Variants in HECTD2 observed in about 807,000 individuals in gnomAD.
The protein encoded by HECTD2 is probable E3 ubiquitin-protein ligase HECTD2.
HECTD2 carries 35 observed loss-of-function variants against 103.2 expected under a neutral mutation model. The ratio of observed to expected loss-of-function variants is 0.34; its 90% CI spans 0.26 to 0.45. The LOEUF (loss-of-function observed/expected upper bound fraction) is 0.45, where lower values mean the gene tolerates loss of function less well. Among genes scored for constraint, HECTD2 ranks in the 20% least tolerant of loss-of-function variants. HECTD2 has a pLI of 1.00. For synonymous variants in HECTD2, 281 were observed against 329.9 expected (o/e 0.85, Z 1.61); for missense variants, 596 against 937.4 (o/e 0.64, Z 4.76).
chr10:91,471,476 T>A (rs1845725104), intron 5 of HECTD2, among the ~76,000 whole-genome samples: 1 of 152,108 alleles, frequency 6.6e-6, no homozygotes, highest in African/African-American at 2.4e-5. Context: ...CCAGAGCAGT[T>A]GGGCAAGAGA....
intron 1 of HECTD2, among the ~76,000 whole-genome samples, chr10:91,414,373 T>C (rs960938676): frequency 2.6e-5 from 4 of 152,172 alleles, no homozygotes; most frequent in African/African-American, 9.6e-5. Flanking sequence ...GAATGAGAAG[T>C]TGGCTTATCA....
chr10:91,490,238 C>T (rs1057091860), intron 11 of HECTD2, among the ~76,000 whole-genome samples: 2 of 151,978 alleles, frequency 1.3e-5, no homozygotes, highest in Admixed American at 1.3e-4. Context: ...CTTCAGTGTA[C>T]CTTCCTTGTA....
intron 1 of HECTD2, among the ~76,000 whole-genome samples, chr10:91,414,659 A>C (rs1222688893): frequency 6.6e-6 from 1 of 152,234 alleles, no homozygotes; most frequent in East Asian, 1.9e-4. Context: ...CTTGAAGTAA[A>C]GGTAATTATT....
At chr10:91,462,304 A>G in intron 5 of HECTD2, 120 bp downstream of exon 5, 2 of 1,193,906 alleles carry the variant, frequency 1.7e-6, no homozygotes, top group East Asian at 5.7e-5. Flanking sequence ...ACAATTTTAT[A>G]GTAAATGTAG....
chr10:91,444,002 G>C (rs1176580949), intron 2 of HECTD2, among the ~76,000 whole-genome samples: 1 of 152,056 alleles, frequency 6.6e-6, no homozygotes, highest in African/African-American at 2.4e-5. Flanking sequence ...TTATGAAAGG[G>C]AAAGAAAAGG....
chr10:91,505,279 C>A (rs1847106456), intron 20 of HECTD2, among the ~76,000 whole-genome samples: 1 of 151,856 alleles, frequency 6.6e-6, no homozygotes, highest in South Asian at 2.1e-4. Context: ...ACACTATTAA[C>A]TTTAAATGTA....
intron 1 of HECTD2, among the ~76,000 whole-genome samples, chr10:91,411,757 G>T (rs1011562633): frequency 6.6e-6 from 1 of 152,218 alleles, no homozygotes; most frequent in African/African-American, 2.4e-5. Flanking sequence ...TGGTAGATTG[G>T]AGCTGGGGTT....
chr10:91,413,564 T>A (rs1843005889), intron 1 of HECTD2, among the ~76,000 whole-genome samples: 1 of 152,234 alleles, frequency 6.6e-6, no homozygotes, highest in African/African-American at 2.4e-5. Context: ...TCAGGCATCT[T>A]TTTTAAATTT....
intron 1 of HECTD2, among the ~76,000 whole-genome samples, chr10:91,416,571 G>T (rs1386538773): frequency 1.5e-5 from 2 of 137,908 alleles, no homozygotes; most frequent in East Asian, 1.9e-4. Context: ...ATCTAGATTT[G>T]TATAAGTACA....
intron 2 of HECTD2, among the ~76,000 whole-genome samples, chr10:91,429,789 C>G (rs1354672241): frequency 1.3e-5 from 2 of 152,044 alleles, no homozygotes; most frequent in Non-Finnish European, 2.9e-5. Context: ...ATTAGTCTTG[C>G]TAGCGGTCTA....
intron 20 of HECTD2, among the ~76,000 whole-genome samples, chr10:91,501,973 C>T (rs1340032817): frequency 1.3e-5 from 2 of 152,076 alleles, no homozygotes; most frequent in Admixed American, 1.3e-4. Context: ...ATACATTGAA[C>T]ATTCCCTAAG....
chr10:91,429,361 C>T lies in HECTD2; in HGVS notation c.268+3951C>T, dbSNP rs1222412963. 4.6e-5 allele frequency among the ~76,000 whole-genome samples: 7 copies of T among 151,968 alleles called. No individual in the cohort carries two copies. In the South Asian group the frequency reaches 6.2e-4, roughly 14 times the overall value. ...TCTCCTTTTTGGTTGTGTCTCTGCC[C>T]GGCTTTGGTATCAGGATGATGCTGG... On this transcript the variant is annotated intron_variant, in intron 2 of 20. Coordinates refer to ENST00000298068, the MANE Select transcript of HECTD2 (RefSeq NM_182765.6).
intron 8 of HECTD2, among the ~76,000 whole-genome samples, chr10:91,483,437 A>T (rs1846164804): frequency 6.6e-6 from 1 of 151,866 alleles, no homozygotes; most frequent in South Asian, 2.1e-4. Flanking sequence ...TCTATCTGTA[A>T]ATTCATAAAT....
chr10:91,437,102 A>G (rs968341195), intron 2 of HECTD2, among the ~76,000 whole-genome samples: 1 of 152,088 alleles, frequency 6.6e-6, no homozygotes, highest in African/African-American at 2.4e-5. Context: ...TATTGAATAT[A>G]TAATAATAAA....
chr10:91,477,990 T>C (rs529365103), intron 5 of HECTD2, among the ~76,000 whole-genome samples: 1 of 152,336 alleles, frequency 6.6e-6, no homozygotes, highest in African/African-American at 2.4e-5. Flanking sequence ...GCATGTTGTA[T>C]GCTACACATA....
At chr10:91,504,588 AAAG>A (rs1263644395) in intron 20 of HECTD2, among the ~76,000 whole-genome samples, 1 of 152,088 alleles carries the variant, frequency 6.6e-6, no homozygotes, top group Non-Finnish European at 1.5e-5. Context: ...AAAAGAATAA[AAAG>A]AAACGAGCAA....
At chr10:91,459,918 G>T (rs1845271388) in intron 2 of HECTD2, among the ~76,000 whole-genome samples, 1 of 152,096 alleles carries the variant, frequency 6.6e-6, no homozygotes, top group African/African-American at 2.4e-5. Flanking sequence ...TAGCCTAGGT[G>T]TGTAGTGTGT....
upstream of HECTD2, chr10:91,409,533 G>T (rs1842830062): frequency 6.5e-6 from 1 of 152,986 alleles, no homozygotes; most frequent in East Asian, 1.9e-4. Context: ...GGAAGGGAGA[G>T]GCGGATTTGG....
chr10:91,479,731 T>C (rs1247103475), intron 6 of HECTD2, among the ~76,000 whole-genome samples: 2 of 152,318 alleles, frequency 1.3e-5, no homozygotes, highest in Non-Finnish European at 2.9e-5. Flanking sequence ...TTTAAGACAA[T>C]ACATTTTGTC....
Sources: gnomAD v4.1 joint callset for allele counts (sites outside exome capture counted in the v4.1 genomes callset) on GRCh38, gnomAD v4.1.1 for gene constraint, MANE v1.5 for transcripts, NCBI Gene and HGNC (gene_info 2026-07-23, HGNC 2026-07-21) for gene names.